LRGUK: variants seen among roughly 807,000 people sequenced by gnomAD.
LRGUK encodes leucine-rich repeat and guanylate kinase domain-containing protein.
A neutral mutation model predicts 76.0 loss-of-function variants in LRGUK; 65 were observed. That is an observed-to-expected ratio of 0.85 (90% CI 0.70 to 1.05). LRGUK has a LOEUF of 1.05. Among genes scored for constraint, LRGUK ranks in the 50% least tolerant of loss-of-function variants. The probability of loss-of-function intolerance (pLI) is 0.00; values close to 1 mark genes in which losing one functional copy is unlikely to be tolerated. For synonymous variants in LRGUK, 268 were observed against 265.6 expected (o/e 1.01, Z -0.09); for missense variants, 758 against 732.8 (o/e 1.03, Z -0.40).
exon 16 of LRGUK, chr7:134,209,346 C>G (rs1801145077): frequency 2.5e-6 from 1 of 398,996 alleles, no homozygotes; most frequent in African/African-American, 2.1e-5. Context: ...CCAAAAGATT[C>G]TTCCCACACT....
intron 15 of LRGUK, among the ~76,000 whole-genome samples, chr7:134,208,109 G>A (rs1801082754): frequency 6.6e-6 from 1 of 152,156 alleles, no homozygotes; most frequent in Non-Finnish European, 1.5e-5. Flanking sequence ...GGGGTCCTCA[G>A]GAGCAGCTGT....
intron 6 of LRGUK, among the ~76,000 whole-genome samples, chr7:134,161,042 A>G (rs1187667833): frequency 6.6e-6 from 1 of 152,094 alleles, no homozygotes; most frequent in Non-Finnish European, 1.5e-5. Context: ...TCTATGCCTC[A>G]CTATTCTCAT....
downstream of LRGUK, among the ~76,000 whole-genome samples, chr7:134,266,028 G>T (rs1325004001): frequency 6.6e-6 from 1 of 152,114 alleles, no homozygotes; most frequent in Non-Finnish European, 1.5e-5. Flanking sequence ...CGTTAATGAG[G>T]CATCACTGCC....
At chr7:134,191,884 G>GTT (rs758192894) in intron 12 of LRGUK, 133 bp downstream of exon 12, 1,019 of 443,310 alleles carry the variant, frequency 2.3e-3, no homozygotes, top group South Asian at 3.5e-3. Context: ...TTTTTATGGG[G>GTT]TTTTTTTTTT....
intron 4 of LRGUK, among the ~76,000 whole-genome samples, chr7:134,146,415 C>T (rs1797972128): frequency 6.6e-6 from 1 of 152,024 alleles, no homozygotes; most frequent in African/African-American, 2.4e-5. Flanking sequence ...AATAAGTAAG[C>T]CCTATCATGA....
At position 134,190,230 on chromosome 7, in the gene LRGUK, A is replaced by G. The variant is rs1356353556; in HGVS notation, c.1335-1425A>G. On this transcript the variant is annotated intron_variant, in intron 11 of 15. Coordinates refer to ENST00000645682, the Ensembl canonical transcript of LRGUK. ...TATTTTATTATTTATTTATTGAAAC[A>G]GGGTGTTGCTCTGTTGCCTCGGCTG... Among the ~76,000 whole-genome samples, 4 of 152,204 alleles carry G rather than the reference A, an allele frequency of 2.6e-5. No homozygotes were observed. The South Asian group carries it at 6.2e-4, about 24-fold the overall frequency.
chr7:134,237,345 A>G (rs541124811), intron 16 of LRGUK, among the ~76,000 whole-genome samples: 1 of 152,000 alleles, frequency 6.6e-6, no homozygotes, highest in East Asian at 1.9e-4. Context: ...GAGCCACCAC[A>G]CCCAGCTAAT....
chr7:134,127,349 G>A, exon 1 of LRGUK: 2 of 1,575,408 alleles, frequency 1.3e-6, no homozygotes, highest in South Asian at 1.1e-5. Flanking sequence ...CAGTCTCCTA[G>A]GCAACCCCGC....
At chr7:134,187,855 C>G (rs1460924289) in intron 11 of LRGUK, among the ~76,000 whole-genome samples, 1 of 152,180 alleles carries the variant, frequency 6.6e-6, no homozygotes, top group Non-Finnish European at 1.5e-5. Flanking sequence ...TCTTAGATCT[C>G]TATTTTATAG....
intron 2 of LRGUK, among the ~76,000 whole-genome samples, chr7:134,138,592 T>A (rs1797628541): frequency 2.0e-5 from 3 of 152,208 alleles, no homozygotes. Context: ...TCAGTAAGTG[T>A]TTATTTATTA....
chr7:134,223,412 C>A (rs1038025198), intron 16 of LRGUK, among the ~76,000 whole-genome samples: 2 of 152,212 alleles, frequency 1.3e-5, no homozygotes, highest in Non-Finnish European at 2.9e-5. Flanking sequence ...GCTCAGGCTG[C>A]GGCTTCTCAG....
At position 134,200,439 on chromosome 7, in the gene LRGUK, A is replaced by G. The variant is rs1209669599; in HGVS notation, c.1747+1018A>G. 5.3e-5 allele frequency among the ~76,000 whole-genome samples: 8 copies of G among 152,320 alleles called. No individual in the cohort carries two copies. In the East Asian group the frequency reaches 1.5e-3, roughly 29 times the overall value. On this transcript the variant is annotated intron_variant, in intron 14 of 15. Transcript: ENST00000645682. ...GGAAATATCTTCAAGACATACAGTT[A>G]CTGAAAAAGACAGGTTTACAATATA... is the stretch of plus-strand genomic sequence containing the variant.
intron 5 of LRGUK, among the ~76,000 whole-genome samples, chr7:134,156,002 G>C (rs1422505090): frequency 1.3e-5 from 2 of 152,192 alleles, no homozygotes; most frequent in Non-Finnish European, 2.9e-5. Flanking sequence ...AAATGGAATG[G>C]CTGTGACATA....
chr7:134,226,664 G>C (rs141146831), intron 16 of LRGUK, among the ~76,000 whole-genome samples: 33 of 152,148 alleles, frequency 2.2e-4, no homozygotes, highest in African/African-American at 7.2e-4. Flanking sequence ...CCATCTACTG[G>C]GTAACCTTAC....
At chr7:134,195,805 A>T (rs1039344014) in intron 12 of LRGUK, among the ~76,000 whole-genome samples, 2 of 152,220 alleles carry the variant, frequency 1.3e-5, no homozygotes, top group Admixed American at 6.5e-5. Context: ...GGAGTAAAAT[A>T]GTAAGGATAT....
At chr7:134,161,935 G>A (rs533963833) in intron 6 of LRGUK, among the ~76,000 whole-genome samples, 262 of 152,056 alleles carry the variant, frequency 1.7e-3, no homozygotes, top group African/African-American at 5.9e-3. Context: ...CTCGTGATCC[G>A]CCTGCCGCAG....
At chr7:134,233,542 T>G (rs1801949751) in intron 16 of LRGUK, among the ~76,000 whole-genome samples, 1 of 152,182 alleles carries the variant, frequency 6.6e-6, no homozygotes. Context: ...TGACAAAGTA[T>G]TAGGCACTTG....
At chr7:134,259,025 A>G (rs534571526) in intron 19 of LRGUK, among the ~76,000 whole-genome samples, 1 of 152,282 alleles carries the variant, frequency 6.6e-6, no homozygotes, top group East Asian at 1.9e-4. Flanking sequence ...GGCTTTGGTG[A>G]GGTAGACTCC....
At chr7:134,274,672 G>A in the LRGUK span, among the ~76,000 whole-genome samples, 1 of 152,058 alleles carries the variant, frequency 6.6e-6, no homozygotes, top group Non-Finnish European at 1.5e-5. Context: ...TAAATGCACA[G>A]GACTATTATA....
Sources: gnomAD v4.1 joint callset for allele counts (sites outside exome capture counted in the v4.1 genomes callset) on GRCh38, gnomAD v4.1.1 for gene constraint, MANE v1.5 for transcripts, NCBI Gene and HGNC (gene_info 2026-07-23, HGNC 2026-07-21) for gene names.